LRBA: variants seen among roughly 807,000 people sequenced by gnomAD.
LRBA encodes LPS responsive beige-like anchor protein.
In LRBA, 176 loss-of-function variants were observed where a neutral mutation model predicts 330.0. The observed-to-expected ratio is 0.53, with a 90% CI of 0.47 to 0.60. LRBA has a LOEUF of 0.60. LRBA is among the 20% of genes least tolerant of loss of function. The pLI, the probability that LRBA is intolerant of heterozygous loss-of-function variation, is 0.00. For synonymous variants in LRBA, 1,230 were observed against 1,193.0 expected, an observed-to-expected ratio of 1.03 and a Z score of -0.64; for missense variants, 3,259 against 3,444.8, an observed-to-expected ratio of 0.95 and a Z score of 1.35.
chr4:150,575,491 A>T (rs1360104148), intron 40 of LRBA, among the ~76,000 whole-genome samples: 1 of 151,910 alleles, frequency 6.6e-6, no homozygotes, highest in Non-Finnish European at 1.5e-5. Flanking sequence ...GAACCAATAC[A>T]TTTTTAAATA....
intron 2 of LRBA, among the ~76,000 whole-genome samples, chr4:150,992,545 G>A (rs180845255): frequency 8.9e-4 from 136 of 152,302 alleles, no homozygotes; most frequent in African/African-American, 3.0e-3. Flanking sequence ...AAAATATATG[G>A]AGGTATAGAA....
chr4:150,694,462 C>CAAAAAAAAAAAAAAAA (rs58558446), intron 36 of LRBA, among the ~76,000 whole-genome samples: 7,350 of 70,526 alleles, frequency 0.1, 2,787 homozygotes, highest in East Asian at 0.21. Context: ...TGATCTTTAA[C>CAAAAAAAAAAAAAAAA]AAAAAAAAAA....
chr4:150,996,317 G>A (rs1742640409), intron 2 of LRBA, among the ~76,000 whole-genome samples: 1 of 152,198 alleles, frequency 6.6e-6, no homozygotes, highest in East Asian at 1.9e-4. Context: ...CTAACAAGTA[G>A]CAAAATAGTA....
Position 150,828,200 on chromosome 4 carries a change from C to T in LRBA, c.5151G>A (p.Val1717=). 6.2e-7 allele frequency: 1 copy of T among 1,614,032 alleles called. No individual in the cohort carries two copies. The highest frequency in any genetic ancestry group is 8.5e-7 in the Non-Finnish European group (1 of 1,179,956). Residue 1717 remains valine (V), a synonymous_variant, in exon 30 of 57, where the codon GTG becomes GTA. Transcript: ENST00000651943. ...AGTACCTGTCAAAAGATCTGAACTG[C>T]ACGGGTTGTTCCACAGATAGATCAC... The part of the protein sequence containing the change: ...ALGDLSVEQP[V]QFRSFDRSVI...
chr4:150,532,181 T>G (rs977320202), intron 40 of LRBA, among the ~76,000 whole-genome samples: 3 of 152,200 alleles, frequency 2.0e-5, no homozygotes, highest in Non-Finnish European at 2.9e-5. Context: ...CCACTTCATT[T>G]TAGCAGAAAG....
intron 9 of LRBA, among the ~76,000 whole-genome samples, chr4:150,911,645 C>T (rs1360634204): frequency 6.6e-6 from 1 of 152,120 alleles, no homozygotes; most frequent in African/African-American, 2.4e-5. Context: ...GGATATTAGT[C>T]TATAGTTTTC....
At chr4:150,411,908 ACT>A (rs1747066934) in intron 47 of LRBA, among the ~76,000 whole-genome samples, 1 of 152,128 alleles carries the variant, frequency 6.6e-6, no homozygotes, top group East Asian at 1.9e-4. Flanking sequence ...GGGGGATGAA[ACT>A]CTTATGTGAC....
intron 48 of LRBA, among the ~76,000 whole-genome samples, chr4:150,340,296 G>C (rs939955091): frequency 2.6e-5 from 4 of 152,038 alleles, no homozygotes; most frequent in Non-Finnish European, 4.4e-5. Flanking sequence ...CTTTTGGTTA[G>C]AGTTCTAAGT....
chr4:150,435,090 A>G (rs1750936168), intron 46 of LRBA, among the ~76,000 whole-genome samples: 1 of 152,010 alleles, frequency 6.6e-6, no homozygotes, highest in Admixed American at 6.6e-5. Context: ...CACACCTGTA[A>G]TATCAACACT....
chr4:150,512,715 G>GAGA (rs1267331124), intron 40 of LRBA, among the ~76,000 whole-genome samples: 1 of 74,580 alleles, frequency 1.3e-5, no homozygotes, highest in Non-Finnish European at 2.8e-5. Context: ...AGTGCTTTTT[G>GAGA]AGAAAAAAAA....
At chr4:150,831,247 A>G (rs1230934968) in intron 29 of LRBA, among the ~76,000 whole-genome samples, 1 of 151,278 alleles carries the variant, frequency 6.6e-6, no homozygotes, top group East Asian at 1.9e-4. Flanking sequence ...AATACTACAC[A>G]ATCTACTTAT....
At chr4:150,659,739 C>T (rs1194109246) in intron 37 of LRBA, among the ~76,000 whole-genome samples, 1 of 8,412 alleles carries the variant, frequency 1.2e-4, no homozygotes, top group African/African-American at 1.6e-4. Context: ...GGTCAGCCCC[C>T]ACGCCCGGCC....
chr4:150,305,298 T>G (rs907536562), intron 52 of LRBA, among the ~76,000 whole-genome samples: 16 of 152,346 alleles, frequency 1.1e-4, no homozygotes, highest in African/African-American at 3.6e-4. Context: ...CACATGGTAA[T>G]TCTCATGAGT....
chr4:150,323,917 A>C (rs914352161), intron 49 of LRBA, among the ~76,000 whole-genome samples: 1 of 152,232 alleles, frequency 6.6e-6, no homozygotes, highest in African/African-American at 2.4e-5. Flanking sequence ...ATTGCTAGCC[A>C]GGTTTCATCA....
At chr4:150,682,140 T>G (rs531987347) in intron 37 of LRBA, among the ~76,000 whole-genome samples, 1 of 152,192 alleles carries the variant, frequency 6.6e-6, no homozygotes, top group Non-Finnish European at 1.5e-5. Flanking sequence ...CAAATGCACA[T>G]TGGGTTCCTA....
intron 13 of LRBA, among the ~76,000 whole-genome samples, chr4:150,904,628 C>G (rs1453843439): frequency 3.3e-5 from 5 of 150,624 alleles, no homozygotes; most frequent in South Asian, 2.1e-4. Context: ...ATTAGTAAGA[C>G]AAAAAAGTAT....
chr4:150,364,986 C>G (rs750969927), intron 47 of LRBA, among the ~76,000 whole-genome samples: 4 of 151,564 alleles, frequency 2.6e-5, no homozygotes, highest in African/African-American at 4.9e-5. Flanking sequence ...TATACACACA[C>G]AGAGAGAAAG....
At chr4:150,510,948 C>T (rs183102558) in intron 40 of LRBA, among the ~76,000 whole-genome samples, 2,094 of 152,124 alleles carry the variant, frequency 0.014, 15 homozygotes, top group Non-Finnish European at 0.023. Context: ...CTCCGCCTCC[C>T]GGGTTCAAGC....
intron 42 of LRBA, among the ~76,000 whole-genome samples, chr4:150,487,312 A>G (rs1757999522): frequency 6.6e-6 from 1 of 150,910 alleles, no homozygotes; most frequent in Non-Finnish European, 1.5e-5. Context: ...ATCGATATAT[A>G]TACTATAAAT....
Sources: allele counts gnomAD v4.1 joint callset (sites outside exome capture counted in the v4.1 genomes callset), GRCh38; gene constraint gnomAD v4.1.1; transcripts MANE v1.5; gene names NCBI Gene and HGNC (gene_info 2026-07-23, HGNC 2026-07-21).